The following PRKG1 variants were observed in gnomAD, a reference collection of about 807,000 sequenced individuals.
The protein encoded by PRKG1 is cGMP-dependent protein kinase 1.
In PRKG1, 35 loss-of-function variants were observed where a neutral mutation model predicts 88.1. The observed-to-expected ratio is 0.40, with a 90% CI of 0.30 to 0.53. The LOEUF (loss-of-function observed/expected upper bound fraction) is 0.53. PRKG1 is among the 20% of genes least tolerant of loss of function. The probability of loss-of-function intolerance (pLI) is 0.59; values close to 1 mark genes in which losing one functional copy is unlikely to be tolerated. For missense variants in PRKG1, 540 were observed against 839.8 expected, an observed-to-expected ratio of 0.64 and a Z score of 4.41; for synonymous variants, 303 against 292.5, an observed-to-expected ratio of 1.04 and a Z score of -0.37.
intron 10 of PRKG1, among the ~76,000 whole-genome samples, chr10:52,261,526 T>C (rs1392286125): frequency 1.3e-5 from 2 of 151,788 alleles, no homozygotes; most frequent in South Asian, 2.1e-4. Flanking sequence ...AATAGGAACT[T>C]TGATGCATAA....
At chr10:51,375,411 G>T (rs1241436534) in intron 2 of PRKG1, among the ~76,000 whole-genome samples, 3 of 149,624 alleles carry the variant, frequency 2.0e-5, no homozygotes, top group African/African-American at 7.4e-5. Context: ...GGACCAGAGT[G>T]TTTTGGATTT....
At chr10:51,791,026 A>G (rs1252663338) in intron 3 of PRKG1, among the ~76,000 whole-genome samples, 1 of 152,158 alleles carries the variant, frequency 6.6e-6, no homozygotes, top group Non-Finnish European at 1.5e-5. Flanking sequence ...TTAATAGGCA[A>G]CCCTATAAGT....
In PRKG1 at chr10:51,429,154, T is replaced by A. The variant is rs573641298; in HGVS notation, c.479-38569T>A. ...AAAGTAAGAGCTTATTGGCTCAACA[T>A]GTTTGAGCACAACCTCTGGTCAATC... On this transcript the variant is annotated intron_variant, in intron 2 of 17. Coordinates refer to ENST00000373980, the MANE Select transcript of PRKG1 (RefSeq NM_006258.4). 3.9e-5 allele frequency among the ~76,000 whole-genome samples: 6 copies of A among 152,350 alleles called. No individual in the cohort carries two copies. In the South Asian group the frequency reaches 1.0e-3, roughly 26 times the overall value.
intron 7 of PRKG1, among the ~76,000 whole-genome samples, chr10:52,070,484 A>G (rs1207750986): frequency 2.6e-5 from 4 of 152,222 alleles, no homozygotes; most frequent in Admixed American, 2.6e-4. Flanking sequence ...CAATAAATGA[A>G]GAATAAAACT....
At chr10:52,252,833 A>T (rs1226022724) in intron 10 of PRKG1, 1 of 151,536 alleles carries the variant, frequency 6.6e-6, no homozygotes, top group African/African-American at 2.4e-5. Context: ...GAGTATTTTC[A>T]GTTCTGGGAG....
intron 2 of PRKG1, among the ~76,000 whole-genome samples, chr10:51,257,313 A>C (rs900080694): frequency 3.3e-5 from 5 of 152,196 alleles, no homozygotes; most frequent in Non-Finnish European, 7.3e-5. Context: ...GTTACAGATT[A>C]GAGAGGATGG....
chr10:51,992,525 G>A (rs185094348), intron 5 of PRKG1, among the ~76,000 whole-genome samples: 1 of 152,046 alleles, frequency 6.6e-6, no homozygotes, highest in Non-Finnish European at 1.5e-5. Context: ...CCCTTCATCT[G>A]AGCTTTATGT....
At chr10:51,201,856 G>A (rs922718845) in intron 2 of PRKG1, among the ~76,000 whole-genome samples, 2 of 152,346 alleles carry the variant, frequency 1.3e-5, no homozygotes, top group South Asian at 4.1e-4. Flanking sequence ...TGTCTGTTGT[G>A]TATAAGCTAT....
chr10:51,461,405 T>C (rs1839740564), intron 2 of PRKG1, among the ~76,000 whole-genome samples: 1 of 152,092 alleles, frequency 6.6e-6, no homozygotes. Context: ...AAACTATGGA[T>C]ACAAAAAGGT....
intron 9 of PRKG1, among the ~76,000 whole-genome samples, chr10:52,248,292 T>C (rs1841078611): frequency 6.6e-6 from 1 of 152,230 alleles, no homozygotes; most frequent in Non-Finnish European, 1.5e-5. Context: ...TTGGGGGGCT[T>C]GCTCCCAACA....
chr10:51,702,706 T>C (rs1332646329), intron 3 of PRKG1, among the ~76,000 whole-genome samples: 2 of 152,166 alleles, frequency 1.3e-5, no homozygotes, highest in African/African-American at 4.8e-5. Flanking sequence ...ATGAATTTTT[T>C]TTTTTTTGAC....
chr10:51,001,892 A>G (rs1842893610), intron 1 of PRKG1, among the ~76,000 whole-genome samples: 1 of 152,266 alleles, frequency 6.6e-6, no homozygotes, highest in African/African-American at 2.4e-5. Context: ...ATTGTCAAAT[A>G]TATAACTTTC....
At chr10:51,467,286 T>C (rs1839929239) in intron 2 of PRKG1, among the ~76,000 whole-genome samples, 1 of 152,000 alleles carries the variant, frequency 6.6e-6, no homozygotes, top group South Asian at 2.1e-4. Context: ...AATTAAATAA[T>C]GGCAAAGGGT....
intron 2 of PRKG1, among the ~76,000 whole-genome samples, chr10:51,397,230 T>C (rs1027990334): frequency 6.6e-6 from 1 of 151,908 alleles, no homozygotes; most frequent in Non-Finnish European, 1.5e-5. Context: ...TTTAAAAGAA[T>C]TTAATCAGAG....
intron 3 of PRKG1, among the ~76,000 whole-genome samples, chr10:51,709,954 G>C (rs533172428): frequency 6.6e-6 from 1 of 152,102 alleles, no homozygotes; most frequent in Non-Finnish European, 1.5e-5. Context: ...ACTAAAGCTA[G>C]GATACTCATT....
chr10:52,037,497 C>G (rs956979047), intron 5 of PRKG1, among the ~76,000 whole-genome samples: 1 of 152,008 alleles, frequency 6.6e-6, no homozygotes, highest in Non-Finnish European at 1.5e-5. Context: ...GGCCTTTTGA[C>G]CTTTTAGGGT....
intron 3 of PRKG1, among the ~76,000 whole-genome samples, chr10:51,761,843 G>C (rs1203840770): frequency 6.6e-6 from 1 of 152,066 alleles, no homozygotes; most frequent in Non-Finnish European, 1.5e-5. Context: ...ACACAAATTG[G>C]ACATAACATT....
intron 1 of PRKG1, among the ~76,000 whole-genome samples, chr10:51,096,475 C>G (rs1365907640): frequency 6.6e-6 from 1 of 152,132 alleles, no homozygotes; most frequent in Non-Finnish European, 1.5e-5. Context: ...AACCTGAATT[C>G]AAATTCGAGT....
rs1564460735 is a variant in PRKG1, at chr10:52,081,551, T to C, written c.935+18920T>C. On this transcript the variant is annotated intron_variant, in intron 7 of 17. Coordinates refer to ENST00000373980, the MANE Select transcript of PRKG1 (RefSeq NM_006258.4). The stretch of plus-strand genomic sequence containing the variant: ...TATAACATATCTTAATTTGATTGAT[T>C]AATCATAATTCATTCAATACTTACC... The C allele has an allele frequency of 1.5e-5, 7 of 455,522 alleles. No homozygotes were observed. The Admixed American group carries it at 1.7e-4, about 11-fold the overall frequency. 28.2% of individuals were successfully genotyped at this position (455,522 alleles called of 1,614,324 possible).
Sources: allele counts gnomAD v4.1 joint callset (sites outside exome capture counted in the v4.1 genomes callset), GRCh38; gene constraint gnomAD v4.1.1; transcripts MANE v1.5; gene names NCBI Gene and HGNC (gene_info 2026-07-23, HGNC 2026-07-21).